Variants in MBP observed in about 807,000 individuals in gnomAD.
The protein encoded by MBP is Golli-MBP.
MBP carries 16 observed loss-of-function variants against 35.8 expected under a neutral mutation model. The ratio of observed to expected loss-of-function variants is 0.45; its 90% CI spans 0.30 to 0.68. MBP has a LOEUF of 0.68. Ranked by LOEUF, MBP falls within the 30% of genes least tolerant of loss-of-function variation. MBP has a pLI of 0.08. For missense variants in MBP, 380 were observed against 404.7 expected (o/e 0.94, Z 0.52); for synonymous variants, 143 against 159.6 (o/e 0.90, Z 0.78).
chr18:77,122,009 C>G (rs1484291064), intron 1 of MBP, among the ~76,000 whole-genome samples: 1 of 152,158 alleles, frequency 6.6e-6, no homozygotes, highest in Non-Finnish European at 1.5e-5. Flanking sequence ...ACAATTTAAG[C>G]TGAATAAATC....
chr18:77,034,526 G>A (rs1196093357), intron 3 of MBP, among the ~76,000 whole-genome samples: 1 of 152,186 alleles, frequency 6.6e-6, no homozygotes, highest in Non-Finnish European at 1.5e-5. Flanking sequence ...GTTTCAAGCT[G>A]TAAAATATGT....
intron 2 of MBP, among the ~76,000 whole-genome samples, chr18:77,075,781 A>G (rs1369413802): frequency 6.6e-6 from 1 of 152,154 alleles, no homozygotes; most frequent in Non-Finnish European, 1.5e-5. Context: ...ACTAATGGGG[A>G]CTTCCATATA....
At chr18:77,088,886 C>T (rs1321592005) in intron 2 of MBP, among the ~76,000 whole-genome samples, 2 of 152,142 alleles carry the variant, frequency 1.3e-5, no homozygotes, top group Admixed American at 6.5e-5. Context: ...TTAAGGATCT[C>T]CAGATGAGAT....
intron 1 of MBP, chr18:77,112,726 C>T (rs1212649293): frequency 1.3e-5 from 2 of 152,302 alleles, no homozygotes; most frequent in Admixed American, 6.5e-5. Context: ...TGGGTGGCCA[C>T]GAACCCTGAC....
intron 1 of MBP, among the ~76,000 whole-genome samples, chr18:77,120,300 C>T (rs989195068): frequency 4.6e-5 from 7 of 152,196 alleles, no homozygotes; most frequent in Non-Finnish European, 4.4e-5. Context: ...CAGCTGTGAC[C>T]GGCACGGCCA....
At chr18:77,100,180 C>T (rs985681858) in intron 2 of MBP, among the ~76,000 whole-genome samples, 14 of 152,126 alleles carry the variant, frequency 9.2e-5, no homozygotes, top group Non-Finnish European at 1.9e-4. Context: ...GTAGGGTGGC[C>T]CTGAGCCAAC....
Position 76,988,565 on chromosome 18 carries a change from C to T in MBP, c.718-38G>A. 1 of 1,597,576 alleles carries T rather than the reference C, an allele frequency of 6.3e-7. No homozygotes were observed. Among genetic ancestry groups the T allele is most frequent in the Non-Finnish European group, 8.5e-7 (1 of 1,170,946 alleles). Reference sequence around the variant, plus strand: ...GACAGAGAAATAATGACATGGTGGTCAGTGAAGGGAAAGTCCTTTCAATCA... The same window carrying T: ...GACAGAGAAATAATGACATGGTGGTTAGTGAAGGGAAAGTCCTTTCAATCA... On this transcript the variant is annotated intron_variant, in intron 6 of 8. Coordinates refer to ENST00000355994, the MANE Select transcript of MBP (RefSeq NM_001025101.2). This position sits in a 1 kb window ranked among gnomAD's most constrained non-coding sequence, Gnocchi z 5.2.
At chr18:77,070,205 G>A (rs1246270561) in intron 2 of MBP, among the ~76,000 whole-genome samples, 1 of 152,172 alleles carries the variant, frequency 6.6e-6, no homozygotes, top group Non-Finnish European at 1.5e-5. Context: ...GAGGGGATGG[G>A]TCCTGGCAGC....
At chr18:77,001,684 C>CTACTAAAA (rs1245547808) in intron 4 of MBP, among the ~76,000 whole-genome samples, 1 of 152,180 alleles carries the variant, frequency 6.6e-6, no homozygotes, top group Non-Finnish European at 1.5e-5. Context: ...AACCCCCTCT[C>CTACTAAAA]TACTAAAATA....
chr18:77,041,875 A>G (rs1973016759), intron 3 of MBP, among the ~76,000 whole-genome samples: 2 of 151,750 alleles, frequency 1.3e-5, no homozygotes, highest in Non-Finnish European at 1.5e-5. Flanking sequence ...ACATGTATAC[A>G]TATGTAACAA....
Position 76,988,312 on chromosome 18 carries a change from A to T in MBP, c.750+183T>A, listed in dbSNP as rs754006097. ...CAAGAGACCAGACCTTCCGGAAGGG[A>T]AGACCACGTTTCATTTCCCCAGTGG... On this transcript the variant is annotated intron_variant, in intron 7 of 8. Coordinates refer to ENST00000355994, the MANE Select transcript of MBP (RefSeq NM_001025101.2). This position sits in a 1 kb window ranked among gnomAD's most constrained non-coding sequence, Gnocchi z 5.2. 2 of 1,568,404 alleles carry T rather than the reference A, an allele frequency of 1.3e-6. No individual in the cohort carries two copies. Among genetic ancestry groups the T allele is most frequent in the Non-Finnish European group, 1.7e-6 (2 of 1,156,444 alleles).
intron 3 of MBP, among the ~76,000 whole-genome samples, chr18:77,041,995 C>A (rs1169119204): frequency 6.6e-6 from 1 of 151,954 alleles, no homozygotes; most frequent in Non-Finnish European, 1.5e-5. Context: ...GCCACAGACC[C>A]CGCATCATCG....
At chr18:77,132,341 G>T (rs193177998) in intron 1 of MBP, among the ~76,000 whole-genome samples, 3 of 152,182 alleles carry the variant, frequency 2.0e-5, no homozygotes, top group Admixed American at 1.3e-4. Context: ...GGGTCAGGGA[G>T]GCCGCCGGCT....
At chr18:77,066,480 T>A in intron 2 of MBP, 95 bp from the exon 3 acceptor site, 1 of 853,496 alleles carries the variant, frequency 1.2e-6, no homozygotes, top group Non-Finnish European at 2.0e-6. Context: ...AAATTTTTTA[T>A]CAGATAATCA....
intron 1 of MBP, among the ~76,000 whole-genome samples, chr18:77,125,414 T>C (rs1039922115): frequency 6.6e-6 from 1 of 152,222 alleles, no homozygotes; most frequent in Non-Finnish European, 1.5e-5. Context: ...CTGTTATTTG[T>C]ATAAAATCTC....
At chr18:77,026,279 A>G (rs1469460270) in intron 3 of MBP, among the ~76,000 whole-genome samples, 1 of 152,230 alleles carries the variant, frequency 6.6e-6, no homozygotes, top group African/African-American at 2.4e-5. Flanking sequence ...AGGCTATTGG[A>G]TGAGGCTCGC....
chr18:77,130,320 C>T (rs1346548369), intron 1 of MBP, among the ~76,000 whole-genome samples: 2 of 152,040 alleles, frequency 1.3e-5, no homozygotes, highest in African/African-American at 4.8e-5. Flanking sequence ...CTGGTGCAGA[C>T]TCCCCGGATG....
Position 76,980,302 on chromosome 18 carries a change from A to G in MBP, c.*125T>C. ...GCCGTGGCCTGACCCTACTACGTGC[A>G]CAACTCCGCAGGCATTAGGGGAGGG... On this transcript the variant is annotated 3_prime_UTR_variant, in exon 9 of 9. Coordinates refer to ENST00000355994, the MANE Select transcript of MBP (RefSeq NM_001025101.2). 1.1e-6 allele frequency: 1 copy of G among 908,252 alleles called. No individual in the cohort carries two copies. The highest frequency in any genetic ancestry group is 2.4e-5 in the East Asian group (1 of 41,716). 56.3% of individuals were successfully genotyped at this position (908,252 alleles called of 1,614,324 possible).
intron 1 of MBP, among the ~76,000 whole-genome samples, chr18:77,111,773 C>T (rs1976459769): frequency 6.6e-6 from 1 of 152,234 alleles, no homozygotes; most frequent in Admixed American, 6.5e-5. Flanking sequence ...AGCCCCTCAC[C>T]CCTAGAACAC....
Sources: gnomAD v4.1 joint callset for allele counts (sites outside exome capture counted in the v4.1 genomes callset) on GRCh38, gnomAD v4.1.1 for gene constraint, Gnocchi (gnomAD v3.1) non-coding constraint, MANE v1.5 for transcripts, NCBI Gene and HGNC (gene_info 2026-07-23, HGNC 2026-07-21) for gene names.